The following ABCG2 variants were observed in gnomAD, a reference collection of about 807,000 sequenced individuals.
ABCG2 encodes the protein ATP binding cassette subfamily G member 2 (JR blood group).
A neutral mutation model predicts 73.5 loss-of-function variants in ABCG2; 80 were observed. That is an observed-to-expected ratio of 1.09 (90% CI 0.91 to 1.31). The LOEUF (loss-of-function observed/expected upper bound fraction) is 1.31. Among genes scored for constraint, ABCG2 ranks in the 50% most tolerant of loss-of-function variants. ABCG2 has a pLI of 0.00. For missense variants in ABCG2, 796 were observed against 786.2 expected, an observed-to-expected ratio of 1.01 and a Z score of -0.15; for synonymous variants, 269 against 282.4, an observed-to-expected ratio of 0.95 and a Z score of 0.48.
intron 2 of ABCG2, among the ~76,000 whole-genome samples, chr4:88,133,068 G>T (rs187177548): frequency 6.6e-6 from 1 of 152,050 alleles, no homozygotes; most frequent in Non-Finnish European, 1.5e-5. Context: ...AACATTTAAC[G>T]TTCCTTGAAA....
At chr4:88,152,929 G>A (rs1249309127) in intron 1 of ABCG2, among the ~76,000 whole-genome samples, 8 of 152,246 alleles carry the variant, frequency 5.3e-5, no homozygotes, top group African/African-American at 1.9e-4. Context: ...GGGTGATATT[G>A]TGGGGTTGTT....
chr4:88,156,274 C>A (rs1480735838), intron 1 of ABCG2, among the ~76,000 whole-genome samples: 3 of 144,512 alleles, frequency 2.1e-5, no homozygotes, highest in Non-Finnish European at 4.5e-5. Context: ...ACTTGGTAGG[C>A]TGAGGCACAA....
chr4:88,156,902 C>T (rs538250108), intron 1 of ABCG2, among the ~76,000 whole-genome samples: 29 of 152,104 alleles, frequency 1.9e-4, no homozygotes, highest in Admixed American at 5.9e-4. Context: ...GTCAGGAGTT[C>T]GAGACCAGCC....
chr4:88,119,828 G>A (rs1298987714), intron 6 of ABCG2, among the ~76,000 whole-genome samples: 2 of 152,260 alleles, frequency 1.3e-5, no homozygotes, highest in Non-Finnish European at 2.9e-5. Flanking sequence ...GGGAAGCGGA[G>A]CATACAAGCT....
At chr4:88,150,826 T>C (rs1726417805) in intron 1 of ABCG2, among the ~76,000 whole-genome samples, 1 of 151,986 alleles carries the variant, frequency 6.6e-6, no homozygotes, top group Non-Finnish European at 1.5e-5. Flanking sequence ...CACATAAGAG[T>C]CCACCATAAT....
chr4:88,104,650 C>T (rs1476900381), intron 10 of ABCG2, among the ~76,000 whole-genome samples: 7 of 97,134 alleles, frequency 7.2e-5, no homozygotes, highest in South Asian at 4.4e-4. Context: ...CACATGTACC[C>T]TAGAGCTTTG....
intron 1 of ABCG2, among the ~76,000 whole-genome samples, chr4:88,152,726 A>G (rs1726594484): frequency 6.6e-6 from 1 of 152,156 alleles, no homozygotes; most frequent in African/African-American, 2.4e-5. Context: ...CAGAGGCCTG[A>G]CATTCCTGTC....
chr4:88,170,110 CAAA>C (rs1161275708), intron 1 of ABCG2, among the ~76,000 whole-genome samples: 2 of 57,624 alleles, frequency 3.5e-5, no homozygotes, highest in Non-Finnish European at 4.0e-5. Flanking sequence ...GACTCCGTCT[CAAA>C]AAAAAAAAAA....
intron 8 of ABCG2, among the ~76,000 whole-genome samples, 164 bp downstream of exon 8, chr4:88,114,793 A>G (rs530683983): frequency 3.0e-4 from 46 of 152,274 alleles, no homozygotes; most frequent in African/African-American, 1.1e-3. Context: ...AAATTAATCA[A>G]AAACACCAAC....
chr4:88,108,050 TCAC>T (rs1722875447), intron 9 of ABCG2, among the ~76,000 whole-genome samples: 1 of 152,190 alleles, frequency 6.6e-6, no homozygotes, highest in Non-Finnish European at 1.5e-5. Flanking sequence ...TCACCTATCT[TCAC>T]CACTCAATTG....
At chr4:88,134,199 G>A (rs1193011130) in intron 2 of ABCG2, among the ~76,000 whole-genome samples, 2 of 152,106 alleles carry the variant, frequency 1.3e-5, no homozygotes, top group African/African-American at 4.8e-5. Context: ...TTAGCACAGA[G>A]GCCAATCCTA....
chr4:88,100,883 T>C (rs1388906976), intron 11 of ABCG2, among the ~76,000 whole-genome samples: 1 of 152,136 alleles, frequency 6.6e-6, no homozygotes, highest in South Asian at 2.1e-4. Flanking sequence ...AAATATACTT[T>C]TCAGTCCCTT....
chr4:88,199,987 C>G (rs866308722), intron 1 of ABCG2, among the ~76,000 whole-genome samples: 4 of 151,822 alleles, frequency 2.6e-5, no homozygotes, highest in Non-Finnish European at 4.4e-5. Flanking sequence ...GGCGACAGAG[C>G]GAGACTCCGT....
chr4:88,098,581 T>C (rs1722146512), intron 12 of ABCG2, among the ~76,000 whole-genome samples: 1 of 150,664 alleles, frequency 6.6e-6, no homozygotes, highest in African/African-American at 2.5e-5. Context: ...ATATATTTAA[T>C]CATTCTATAT....
upstream of ABCG2, among the ~76,000 whole-genome samples, chr4:88,161,327 C>T (rs1370951625): frequency 6.4e-5 from 6 of 93,684 alleles, no homozygotes; most frequent in South Asian, 9.1e-4. Flanking sequence ...CCCCCTCCCC[C>T]GACCCCACCA....
chr4:88,229,765 CT>C (rs1730377109), intron 1 of ABCG2, among the ~76,000 whole-genome samples: 1 of 151,926 alleles, frequency 6.6e-6, no homozygotes, highest in Non-Finnish European at 1.5e-5. Context: ...TGGCTTGTTT[CT>C]TTTGGGTTAA....
chr4:88,147,578 C>G (rs1726143082), intron 1 of ABCG2, among the ~76,000 whole-genome samples: 1 of 152,188 alleles, frequency 6.6e-6, no homozygotes, highest in Non-Finnish European at 1.5e-5. Flanking sequence ...AAGCAGGGAA[C>G]TATTTTTGTT....
intron 1 of ABCG2, among the ~76,000 whole-genome samples, chr4:88,198,621 G>A (rs1729032396): frequency 6.6e-6 from 1 of 152,086 alleles, no homozygotes; most frequent in South Asian, 2.1e-4. Flanking sequence ...TGACAAAGGA[G>A]ACTATGCCTC....
rs7692080 is a variant in ABCG2, at chr4:88,150,866, C to T, written c.-20+7520G>A. On this transcript the variant is annotated intron_variant, in intron 1 of 15. Transcript: ENST00000237612. The stretch of plus-strand genomic sequence containing the variant: ...TCAAGAGCCAAGATGAGGACACTGT[C>T]CTGCACCCCTCCCTCCATAGCCTAT... 9.6e-3 allele frequency among the ~76,000 whole-genome samples: 1,468 copies of T among 152,252 alleles called. 17 individuals carry two copies. The highest frequency in any genetic ancestry group is 0.033 in the African/African-American group (1,390 of 41,534).
Sources: gnomAD v4.1 joint callset for allele counts (sites outside exome capture counted in the v4.1 genomes callset) on GRCh38, gnomAD v4.1.1 for gene constraint, MANE v1.5 for transcripts, NCBI Gene and HGNC (gene_info 2026-07-23, HGNC 2026-07-21) for gene names.